IL20RB: variants seen among roughly 807,000 people sequenced by gnomAD.
IL20RB encodes interleukin 20 receptor subunit beta.
In IL20RB, 21 loss-of-function variants were observed where a neutral mutation model predicts 33.3. That is an observed-to-expected ratio of 0.63 (90% CI 0.45 to 0.91). IL20RB has a LOEUF of 0.91. IL20RB is among the 40% of genes least tolerant of loss of function. IL20RB has a pLI of 0.00. For synonymous variants in IL20RB, 147 were observed against 146.8 expected (o/e 1.00, Z -0.01); for missense variants, 345 against 384.8 (o/e 0.90, Z 0.86).
intron 1 of IL20RB, among the ~76,000 whole-genome samples, chr3:136,970,074 G>T (rs924831155): frequency 6.6e-6 from 1 of 151,396 alleles, no homozygotes; most frequent in South Asian, 2.1e-4. Flanking sequence ...TTTGTTTAAA[G>T]CGTTTTTTTT....
At chr3:136,990,311 G>A (rs1433401562) in intron 4 of IL20RB, among the ~76,000 whole-genome samples, 1 of 152,200 alleles carries the variant, frequency 6.6e-6, no homozygotes, top group South Asian at 2.1e-4. Flanking sequence ...GGACTAATAC[G>A]GTGCAATAAG....
Position 137,010,178 on chromosome 3 carries a change from G to A in IL20RB, c.891G>A (p.Thr297=), listed in dbSNP as rs146492375. 42 of 1,607,668 alleles carry A rather than the reference G, an allele frequency of 2.6e-5. No individual in the cohort carries two copies. Among genetic ancestry groups the A allele is most frequent in the Non-Finnish European group, 3.2e-5 (38 of 1,174,290 alleles). The change falls in exon 7 of 7, where the codon ACG becomes ACA. Residue 297 remains threonine (T), a synonymous_variant. Transcript: ENST00000329582. The part of the protein sequence containing the change: ...CRREEVDACA[T]AVMSPEELLR... ...GGGAGGAGGTGGATGCCTGTGCCAC[G>A]GCTGTGATGTCTCCTGAGGAACTCC... is the stretch of plus-strand genomic sequence containing the variant.
rs244405 is a variant in IL20RB, at chr3:136,989,562, C to A, written c.528C>A (p.Ala176=). 10 of 1,613,694 alleles carry A rather than the reference C, an allele frequency of 6.2e-6. No individual in the cohort carries two copies. The highest frequency in any genetic ancestry group is 8.5e-6 in the Non-Finnish European group (10 of 1,179,794). The part of the protein sequence containing the change: ...LVAYWRREPG[A]EEHVKMVRSG... ...CCTACTGGAGGAGGGAGCCTGGTGC[C>A]GAGGTGAGACTCCAGCCTTGGCCTT... Residue 176 remains alanine (A), a synonymous_variant, in exon 4 of 7, where the codon GCC becomes GCA. Transcript: ENST00000329582.
At chr3:136,990,438 C>T (rs1004324132) in intron 4 of IL20RB, among the ~76,000 whole-genome samples, 1 of 152,188 alleles carries the variant, frequency 6.6e-6, no homozygotes, top group Non-Finnish European at 1.5e-5. Context: ...TGGCCCTTTC[C>T]TAGCTTATTC....
At chr3:137,003,378 G>A (rs1186047525) in intron 6 of IL20RB, among the ~76,000 whole-genome samples, 2 of 152,080 alleles carry the variant, frequency 1.3e-5, no homozygotes, top group Admixed American at 6.6e-5. Flanking sequence ...CCATTTTCAC[G>A]ATATTGATTC....
intron 3 of IL20RB, among the ~76,000 whole-genome samples, chr3:136,987,939 G>C (rs1009323447): frequency 6.6e-6 from 1 of 152,164 alleles, no homozygotes; most frequent in Admixed American, 6.5e-5. Context: ...CAAGCGCCGC[G>C]TGCAGCCCCG....
At chr3:136,991,884 A>G in intron 4 of IL20RB, 54 bp from the exon 5 acceptor site, 1 of 1,587,526 alleles carries the variant, frequency 6.3e-7, no homozygotes. Context: ...TGCTGGGATT[A>G]TAGGCGTGAG....
chr3:136,988,058 G>A (rs1236700454), intron 3 of IL20RB, among the ~76,000 whole-genome samples: 1 of 152,228 alleles, frequency 6.6e-6, no homozygotes, highest in African/African-American at 2.4e-5. Context: ...GGGCTGAAGG[G>A]CTCCTCAAGT....
In IL20RB at chr3:137,010,560, C is replaced by G. The variant is rs1933069851; in HGVS notation, c.*337C>G. Reference sequence around the variant, plus strand: ...TGCTAAACACACACACACAGAGTCTCTCTCTATATATACACACGTACACAT... The same window carrying G: ...TGCTAAACACACACACACAGAGTCTGTCTCTATATATACACACGTACACAT... On this transcript the variant is annotated 3_prime_UTR_variant, in exon 7 of 7. Coordinates refer to ENST00000329582, the MANE Select transcript of IL20RB (RefSeq NM_144717.4). 4.3e-6 allele frequency: 1 copy of G among 231,984 alleles called. No homozygotes were observed. Among genetic ancestry groups the G allele is most frequent in the Non-Finnish European group, 8.6e-6 (1 of 116,934 alleles). The allele number at this position is 231,984 out of a possible 1,614,324, so 14.4% of individuals were successfully genotyped here.
chr3:137,006,170 T>C (rs1003693663), intron 6 of IL20RB, among the ~76,000 whole-genome samples: 2 of 152,212 alleles, frequency 1.3e-5, no homozygotes, highest in African/African-American at 4.8e-5. Context: ...GTGGGTAACT[T>C]GACCTTTCTT....
rs1941989650 is a variant in IL20RB, at chr3:136,989,535, G to A, written c.501G>A (p.Val167=). 2 of 1,613,900 alleles carry A rather than the reference G, an allele frequency of 1.2e-6. No individual in the cohort carries two copies. The highest frequency in any genetic ancestry group is 1.7e-6 in the Non-Finnish European group (2 of 1,179,948). Reference sequence around the variant, plus strand: ...TGGGGCCCCAGTTTGAGTTCCTTGTGGCCTACTGGAGGAGGGAGCCTGGTG... The same window carrying A: ...TGGGGCCCCAGTTTGAGTTCCTTGTAGCCTACTGGAGGAGGGAGCCTGGTG... ...EDLGPQFEFL[V]AYWRREPGAE... Residue 167 remains valine, a synonymous_variant, in exon 4 of 7, where the codon GTG becomes GTA. Coordinates refer to ENST00000329582, the MANE Select transcript of IL20RB (RefSeq NM_144717.4).
chr3:136,976,200 G>T (rs1941614371), intron 1 of IL20RB, among the ~76,000 whole-genome samples: 1 of 152,236 alleles, frequency 6.6e-6, no homozygotes, highest in Non-Finnish European at 1.5e-5. Context: ...TGGCCTATGT[G>T]CTGTGTCTCA....
At chr3:136,983,547 G>A (rs1279331178) in intron 3 of IL20RB, among the ~76,000 whole-genome samples, 2 of 152,226 alleles carry the variant, frequency 1.3e-5, no homozygotes, top group Non-Finnish European at 2.9e-5. Flanking sequence ...ATGAATCCAA[G>A]AAACATGGCT....
chr3:136,971,923 T>G (rs1375488267), intron 1 of IL20RB, among the ~76,000 whole-genome samples: 3 of 152,210 alleles, frequency 2.0e-5, no homozygotes, highest in African/African-American at 7.2e-5. Flanking sequence ...CTGTTTTCCA[T>G]AGTGGCTGTA....
At chr3:136,988,708 A>G (rs1453343258) in intron 3 of IL20RB, among the ~76,000 whole-genome samples, 1 of 118,554 alleles carries the variant, frequency 8.4e-6, no homozygotes, top group Non-Finnish European at 1.9e-5. Context: ...GTGCCACTAT[A>G]CACTCCAGCT....
At chr3:137,006,400 A>G (rs1476156363) in intron 6 of IL20RB, among the ~76,000 whole-genome samples, 3 of 152,090 alleles carry the variant, frequency 2.0e-5, no homozygotes, top group Admixed American at 2.0e-4. Flanking sequence ...TTTCAGGCAC[A>G]CCAATCAGAC....
intron 3 of IL20RB, among the ~76,000 whole-genome samples, chr3:136,987,973 C>T (rs561889507): frequency 6.6e-6 from 1 of 152,336 alleles, no homozygotes; most frequent in Non-Finnish European, 1.5e-5. Flanking sequence ...CCTCTCCCTC[C>T]ACACCTCCCT....
intron 1 of IL20RB, among the ~76,000 whole-genome samples, chr3:136,971,642 A>T (rs192913574): frequency 9.2e-5 from 14 of 152,306 alleles, no homozygotes; most frequent in Admixed American, 5.2e-4. Context: ...TTCAATTCAC[A>T]TTGCTGCCAA....
At position 136,958,101 on chromosome 3, in the gene IL20RB, CTG is replaced by C. The variant is rs766679630; in HGVS notation, c.-12_-11del. On this transcript the variant is annotated 5_prime_UTR_variant, in exon 1 of 7. The change abolishes the stop of an existing upstream ORF in the 5' untranslated region. Transcript: ENST00000329582. ...GAAAGAAACAATGTTCTAGGTCAAACTGAGTCTACCAAATGCAGACTTTCACA... is the reference window on the plus strand; with the variant it reads ...GAAAGAAACAATGTTCTAGGTCAAACAGTCTACCAAATGCAGACTTTCACA... 13 of 1,514,336 alleles carry C rather than the reference CTG, an allele frequency of 8.6e-6. No individual in the cohort carries two copies. The highest frequency in any genetic ancestry group is 1.1e-5 in the Non-Finnish European group (12 of 1,090,222). 93.8% of individuals were successfully genotyped at this position (1,514,336 alleles called of 1,614,324 possible). A position where few individuals can be genotyped will look rare whatever the true frequency, so the allele number is the denominator to read the frequency against.
Sources: allele counts gnomAD v4.1 joint callset (sites outside exome capture counted in the v4.1 genomes callset), GRCh38; gene constraint gnomAD v4.1.1; transcripts MANE v1.5; gene names NCBI Gene and HGNC (gene_info 2026-07-23, HGNC 2026-07-21).